CCDC73: variants seen among roughly 807,000 people sequenced by gnomAD.
CCDC73 encodes the protein coiled-coil domain-containing protein 73.
In CCDC73, 95 loss-of-function variants were observed where a neutral mutation model predicts 116.5. The ratio of observed to expected loss-of-function variants is 0.82; its 90% CI spans 0.69 to 0.97. CCDC73 has a LOEUF of 0.97. Ranked by LOEUF, CCDC73 falls within the 50% of genes least tolerant of loss-of-function variation. The probability of loss-of-function intolerance (pLI) is 0.00; values close to 1 mark genes in which losing one functional copy is unlikely to be tolerated. For synonymous variants in CCDC73, 398 were observed against 401.3 expected (o/e 0.99, Z 0.10); for missense variants, 1,066 against 1,206.8 (o/e 0.88, Z 1.73).
chr11:32,700,759 TAG>T, intron 5 of CCDC73, 30 bp downstream of exon 5: 1 of 1,099,072 alleles, frequency 9.1e-7, no homozygotes, highest in Non-Finnish European at 1.3e-6. Context: ...TACTTTTTAA[TAG>T]ACAGAAAATT....
chr11:32,691,496 A>G (rs1478281361), intron 6 of CCDC73, among the ~76,000 whole-genome samples: 1 of 152,108 alleles, frequency 6.6e-6, no homozygotes, highest in Non-Finnish European at 1.5e-5. Context: ...TGCCATCTGT[A>G]TGTATATCTT....
At chr11:32,807,288 T>A in the CCDC73 span, among the ~76,000 whole-genome samples, 2 of 152,236 alleles carry the variant, frequency 1.3e-5, no homozygotes, top group Non-Finnish European at 2.9e-5. Context: ...AGTGGTATAC[T>A]GAATTGATCA....
At chr11:32,775,052 T>C (rs1850521892) in intron 1 of CCDC73, among the ~76,000 whole-genome samples, 1 of 152,218 alleles carries the variant, frequency 6.6e-6, no homozygotes, top group Admixed American at 6.5e-5. Flanking sequence ...TTAAAAATTA[T>C]ATGTTTATAT....
At chr11:32,646,681 T>C (rs978990383) in intron 12 of CCDC73, among the ~76,000 whole-genome samples, 11 of 152,230 alleles carry the variant, frequency 7.2e-5, no homozygotes, top group Admixed American at 7.2e-4. Context: ...AATTTCATAA[T>C]GATATGCATT....
chr11:32,710,818 A>G (rs565438379), intron 3 of CCDC73, among the ~76,000 whole-genome samples: 3 of 152,294 alleles, frequency 2.0e-5, no homozygotes, highest in South Asian at 4.1e-4. Context: ...GTTGCCATCT[A>G]TCTCATGACC....
At chr11:32,683,292 G>C in intron 7 of CCDC73, 2 of 423,042 alleles carry the variant, frequency 4.7e-6, no homozygotes, top group Non-Finnish European at 8.6e-6. Flanking sequence ...TTCAAATTTT[G>C]AGTTTTCAGA....
At chr11:32,821,899 T>G in the CCDC73 span, among the ~76,000 whole-genome samples, 2 of 152,298 alleles carry the variant, frequency 1.3e-5, no homozygotes, top group African/African-American at 4.8e-5. Flanking sequence ...GTTAACATAT[T>G]AAAGTACTAA....
intron 1 of CCDC73, among the ~76,000 whole-genome samples, chr11:32,780,776 T>C (rs757460127): frequency 3.4e-4 from 51 of 152,234 alleles, no homozygotes; most frequent in Non-Finnish European, 6.3e-4. Context: ...ATGTTTACTG[T>C]TACCATTTTC....
At chr11:32,730,332 A>G (rs1011695900) in intron 2 of CCDC73, among the ~76,000 whole-genome samples, 22 of 152,204 alleles carry the variant, frequency 1.4e-4, no homozygotes, top group African/African-American at 5.3e-4. Context: ...ATGTCATATA[A>G]ATGCATTATA....
intron 2 of CCDC73, among the ~76,000 whole-genome samples, chr11:32,745,422 G>T (rs1850227403): frequency 6.6e-6 from 1 of 152,144 alleles, no homozygotes; most frequent in Non-Finnish European, 1.5e-5. Flanking sequence ...TATTAGGTCT[G>T]CTTGGTGCAG....
chr11:32,823,925 C>T, the CCDC73 span, among the ~76,000 whole-genome samples: 6 of 151,994 alleles, frequency 3.9e-5, no homozygotes, highest in African/African-American at 9.7e-5. Flanking sequence ...GACAGAGTCT[C>T]GTTCTGTTGC....
the CCDC73 span, chr11:32,830,074 G>A: frequency 1.0e-6 from 1 of 989,234 alleles, no homozygotes; most frequent in Non-Finnish European, 1.2e-6. Context: ...CGTCGCCGAG[G>A]TTTGAGGGCG....
At chr11:32,698,027 T>G (rs1435997580) in intron 6 of CCDC73, among the ~76,000 whole-genome samples, 3 of 140,786 alleles carry the variant, frequency 2.1e-5, no homozygotes, top group Admixed American at 1.4e-4. Context: ...TTTTTTTTTT[T>G]TTTTTTTTTT....
chr11:32,607,084 T>A (rs1855361960), intron 17 of CCDC73, among the ~76,000 whole-genome samples: 1 of 24,622 alleles, frequency 4.1e-5, no homozygotes, highest in Non-Finnish European at 9.4e-5. Context: ...AAATAAATTT[T>A]TTTTTTTTTT....
intron 2 of CCDC73, among the ~76,000 whole-genome samples, chr11:32,750,247 A>G (rs1261240635): frequency 7.9e-5 from 12 of 152,072 alleles, no homozygotes; most frequent in Non-Finnish European, 8.8e-5. Flanking sequence ...AGGTGACACA[A>G]GCACCCCTGT....
chr11:32,670,166 T>C (rs1044009551), intron 9 of CCDC73, among the ~76,000 whole-genome samples: 2 of 152,236 alleles, frequency 1.3e-5, no homozygotes, highest in African/African-American at 2.4e-5. Context: ...GATTTTCCTA[T>C]ATTTTTTCCT....
intron 3 of CCDC73, among the ~76,000 whole-genome samples, chr11:32,708,320 T>C (rs1849872427): frequency 6.6e-6 from 1 of 152,198 alleles, no homozygotes. Context: ...TGTAGAATAG[T>C]TTGAAGTCAG....
chr11:32,755,721 G>GTATATATATATCTCCATATATATGTGTA (rs1478736714), intron 2 of CCDC73, among the ~76,000 whole-genome samples: 22 of 45,806 alleles, frequency 4.8e-4, no homozygotes, highest in South Asian at 9.3e-4. Flanking sequence ...ATATATATGT[G>GTATATATATATCTCCATATATATGTGTA]TATATATATA....
chr11:32,628,889 A>G (rs1487287844), intron 14 of CCDC73, among the ~76,000 whole-genome samples: 2 of 152,238 alleles, frequency 1.3e-5, no homozygotes, highest in African/African-American at 4.8e-5. Flanking sequence ...AGGAACTTTA[A>G]AACAGCTATT....
Sources: gnomAD v4.1 joint callset for allele counts (sites outside exome capture counted in the v4.1 genomes callset) on GRCh38, gnomAD v4.1.1 for gene constraint, MANE v1.5 for transcripts, NCBI Gene and HGNC (gene_info 2026-07-23, HGNC 2026-07-21) for gene names.